CNTN1: variants seen among roughly 807,000 people sequenced by gnomAD.
CNTN1 encodes contactin-1.
Under a neutral mutation model 126.4 loss-of-function variants are expected in CNTN1, and 38 were observed. The observed-to-expected ratio is 0.30, with a 90% CI of 0.23 to 0.39. The LOEUF (loss-of-function observed/expected upper bound fraction) is 0.39. Ranked by LOEUF, CNTN1 falls within the 10% of genes least tolerant of loss-of-function variation. CNTN1 has a pLI of 1.00. For missense variants in CNTN1, 1,009 were observed against 1,248.4 expected (o/e 0.81, Z 2.89); for synonymous variants, 413 against 422.6 (o/e 0.98, Z 0.28).
At chr12:40,700,676 T>C (rs1941572676) in intron 1 of CNTN1, among the ~76,000 whole-genome samples, 2 of 152,014 alleles carry the variant, frequency 1.3e-5, no homozygotes, top group Non-Finnish European at 2.9e-5. Flanking sequence ...ATAGCACAAG[T>C]GATGAAAAAG....
chr12:40,770,916 G>T (rs12425943), intron 1 of CNTN1, among the ~76,000 whole-genome samples: 1 of 151,900 alleles, frequency 6.6e-6, no homozygotes, highest in African/African-American at 2.4e-5. Context: ...AAGCAGGGGC[G>T]GGTGCATTAT....
rs117012311 is a variant in CNTN1 at position 40,781,785 on chromosome 12, T to C, written c.-77+89193T>C. ...GTGTACACTGTGTCTTCTCAATTGT[T>C]CTCTATTATAGTCAGAATGGATCCT... On this transcript the variant is annotated intron_variant, in intron 1 of 23. Transcript: ENST00000551295. Among the ~76,000 whole-genome samples, 663 of 152,114 alleles carry C rather than the reference T, an allele frequency of 4.4e-3. 23 individuals are homozygous for C. In the East Asian group the frequency reaches 0.078, roughly 18 times the overall value.
intron 1 of CNTN1, among the ~76,000 whole-genome samples, chr12:40,845,864 C>T (rs1942481133): frequency 6.6e-6 from 1 of 151,826 alleles, no homozygotes; most frequent in Non-Finnish European, 1.5e-5. Flanking sequence ...TTATAATAAA[C>T]CAGTAAATGT....
At chr12:41,012,024 C>T (rs923020755) in intron 17 of CNTN1, among the ~76,000 whole-genome samples, 3 of 152,098 alleles carry the variant, frequency 2.0e-5, no homozygotes, top group South Asian at 2.1e-4. Context: ...CAGCATAAAG[C>T]CTGGTTTCTA....
chr12:40,882,081 G>A (rs1322027683), intron 1 of CNTN1, among the ~76,000 whole-genome samples: 2 of 151,524 alleles, frequency 1.3e-5, no homozygotes, highest in African/African-American at 4.8e-5. Flanking sequence ...TTGAGGGGAA[G>A]GAGTACAGGG....
intron 1 of CNTN1, among the ~76,000 whole-genome samples, chr12:40,818,598 T>G (rs550951915): frequency 1.3e-5 from 2 of 152,332 alleles, no homozygotes; most frequent in East Asian, 3.9e-4. Flanking sequence ...TTAGCTTCTT[T>G]GCATTGGGTT....
intron 12 of CNTN1, among the ~76,000 whole-genome samples, chr12:40,940,510 T>C: frequency 6.6e-6 from 1 of 152,186 alleles, no homozygotes; most frequent in Non-Finnish European, 1.5e-5. Context: ...TTCTTCACAG[T>C]AACCCAATAA....
chr12:40,879,039 G>T (rs1220487585), intron 1 of CNTN1, among the ~76,000 whole-genome samples: 2 of 152,118 alleles, frequency 1.3e-5, no homozygotes, highest in African/African-American at 2.4e-5. Context: ...AGTCTGAAGG[G>T]CAGCGAGGTC....
intron 1 of CNTN1, among the ~76,000 whole-genome samples, chr12:40,714,303 A>G (rs1941996033): frequency 6.6e-6 from 1 of 152,082 alleles, no homozygotes; most frequent in Non-Finnish European, 1.5e-5. Flanking sequence ...TTCTGGAATC[A>G]ATGGGTTGCT....
In CNTN1 at chr12:40,993,197, G is replaced by A. The variant is rs760051219; in HGVS notation, c.2041G>A (p.Val681Met). 2.0e-5 allele frequency: 32 copies of A among 1,613,754 alleles called. No homozygotes were observed. In the Middle Eastern group the frequency reaches 8.2e-4, roughly 42 times the overall value. Reference protein sequence around the residue: ...LIPWMEYEFRVVATNTLGRGE... With the variant: ...LIPWMEYEFRMVATNTLGRGE... ...CCCATGGATGGAGTATGAATTCCGC[G>A]TGGTAGCAACCAATACACTGGGTAG... The change falls in exon 17 of 24, where the codon GTG becomes ATG. Residue 681 changes from valine (V) to methionine (M), a missense_variant. Val to Met is a conservative substitution (Grantham distance 21). Transcript: ENST00000551295.
chr12:40,748,971 A>C (rs1592044289), intron 1 of CNTN1, among the ~76,000 whole-genome samples: 2 of 152,090 alleles, frequency 1.3e-5, no homozygotes, highest in East Asian at 3.9e-4. Context: ...AAAACAGACA[A>C]AACACCCCTG....
chr12:41,016,571 T>C (rs140458146), intron 18 of CNTN1, 111 bp from the exon 19 acceptor site: 27 of 730,242 alleles, frequency 3.7e-5, no homozygotes, highest in Non-Finnish European at 6.4e-5. Context: ...ATGTATGAAC[T>C]GTGTATGTTT....
intron 1 of CNTN1, among the ~76,000 whole-genome samples, chr12:40,733,285 AT>A (rs1196057389): frequency 1.3e-5 from 2 of 151,442 alleles, no homozygotes; most frequent in Non-Finnish European, 2.9e-5. Flanking sequence ...TTTTTTGCTT[AT>A]TTTTTTTGGT....
In CNTN1 at chr12:40,922,299, T is replaced by C. The variant is rs780622172; in HGVS notation, c.271T>C (p.Tyr91His). ...GGACGTTGATCTCACAAGTGATCGATACAGTATGGTAGGAGGAAACCTTGT... is the reference window on the plus strand; with the variant it reads ...GGACGTTGATCTCACAAGTGATCGACACAGTATGGTAGGAGGAAACCTTGT... ...NGDVDLTSDR[Y>H]SMVGGNLVIN... Residue 91 changes from tyrosine (Y) to histidine (H), a missense_variant, in exon 5 of 24, where the codon TAC becomes CAC. Tyr to His is a moderately conservative substitution (Grantham distance 83). Transcript: ENST00000551295. The C allele has an allele frequency of 1.9e-6, 3 of 1,613,910 alleles. No individual in the cohort carries two copies. The highest frequency in any genetic ancestry group is 1.7e-5 in the Admixed American group (1 of 59,982).
At chr12:41,041,785 G>A (rs144817064) in intron 23 of CNTN1, among the ~76,000 whole-genome samples, 2,556 of 151,958 alleles carry the variant, frequency 0.017, 71 homozygotes, top group African/African-American at 0.059. Context: ...TTTTTATTGC[G>A]TCTGTTTGAT....
rs1249018612 is a variant in CNTN1, at chr12:41,072,118, T to A, written c.*2083T>A. On this transcript the variant is annotated 3_prime_UTR_variant, in exon 24 of 24. Coordinates refer to ENST00000551295, the MANE Select transcript of CNTN1 (RefSeq NM_001843.4). ...TCAAGCTTTTCATTTTCTCATACAGTTGTACAGATTTAACTGGGACCATCA... is the reference window on the plus strand; with the variant it reads ...TCAAGCTTTTCATTTTCTCATACAGATGTACAGATTTAACTGGGACCATCA... 1 of 152,176 alleles carries A rather than the reference T, an allele frequency of 6.6e-6. No individual in the cohort carries two copies. Among genetic ancestry groups the A allele is most frequent in the Non-Finnish European group, 1.5e-5 (1 of 68,016 alleles). The allele number at this position is 152,176 out of a possible 1,614,324, so 9.4% of individuals were successfully genotyped here.
At chr12:40,916,203 T>C (rs1945238011) in intron 3 of CNTN1, among the ~76,000 whole-genome samples, 2 of 152,106 alleles carry the variant, frequency 1.3e-5, no homozygotes, top group Admixed American at 1.3e-4. Flanking sequence ...GGAATAGAAA[T>C]TATCTTACCT....
At position 40,970,335 on chromosome 12, in the gene CNTN1, A is replaced by G. The variant is rs556481250; in HGVS notation, c.1805-10574A>G. ...GCGTTCAAAAGAAAAAAAAAAGAAT[A>G]TATCTAAAATTAGGATTTTCAGTTC... On this transcript the variant is annotated intron_variant, in intron 15 of 23. Coordinates refer to ENST00000551295, the MANE Select transcript of CNTN1 (RefSeq NM_001843.4). 1.1e-4 allele frequency among the ~76,000 whole-genome samples: 16 copies of G among 152,256 alleles called. 1 individual carries two copies. The highest frequency in any genetic ancestry group is 5.9e-4 in the Admixed American group (9 of 15,268).
intron 20 of CNTN1, among the ~76,000 whole-genome samples, chr12:41,021,635 C>CT (rs34166721): frequency 0.26 from 34,650 of 132,524 alleles, 4,422 homozygotes; most frequent in Middle Eastern, 0.3. Flanking sequence ...CAACAGGAAG[C>CT]TTTTTTTTTT....
Sources: gnomAD v4.1 joint callset for allele counts (sites outside exome capture counted in the v4.1 genomes callset) on GRCh38, gnomAD v4.1.1 for gene constraint, MANE v1.5 for transcripts, NCBI Gene and HGNC (gene_info 2026-07-23, HGNC 2026-07-21) for gene names.